PRKCB: variants seen among roughly 807,000 people sequenced by gnomAD.
PRKCB encodes protein kinase C beta type.
Under a neutral mutation model 81.5 loss-of-function variants are expected in PRKCB, and 13 were observed. The observed-to-expected ratio is 0.16, with a 90% CI of 0.10 to 0.25. PRKCB has a LOEUF of 0.25. PRKCB is among the 10% of genes least tolerant of loss of function. The pLI, the probability that PRKCB is intolerant of heterozygous loss-of-function variation, is 1.00. For synonymous variants in PRKCB, 335 were observed against 321.4 expected (o/e 1.04, Z -0.45); for missense variants, 509 against 875.7 (o/e 0.58, Z 5.29).
intron 16 of PRKCB, among the ~76,000 whole-genome samples, chr16:24,203,954 G>T (rs1968003960): frequency 6.6e-6 from 1 of 152,036 alleles, no homozygotes; most frequent in Non-Finnish European, 1.5e-5. Context: ...AAGTGGGAAG[G>T]TTTCTGTTCT....
chr16:23,916,673 G>A (rs1005795403), intron 2 of PRKCB, among the ~76,000 whole-genome samples: 3 of 152,042 alleles, frequency 2.0e-5, no homozygotes, highest in South Asian at 2.1e-4. Flanking sequence ...CCTCAAACAC[G>A]TACATTCAAA....
intron 7 of PRKCB, among the ~76,000 whole-genome samples, chr16:24,109,087 A>G (rs866094407): frequency 6.6e-4 from 89 of 133,886 alleles, no homozygotes; most frequent in South Asian, 1.5e-3. Context: ...GGGGCTCCTC[A>G]CTTCCCAGTA....
chr16:24,153,239 T>C (rs1967105406), intron 9 of PRKCB, among the ~76,000 whole-genome samples: 1 of 152,186 alleles, frequency 6.6e-6, no homozygotes, highest in Admixed American at 6.5e-5. Context: ...GCATCTAATT[T>C]CCTCAATCAC....
chr16:24,132,734 A>G (rs1001496388), intron 9 of PRKCB, among the ~76,000 whole-genome samples: 2 of 151,564 alleles, frequency 1.3e-5, no homozygotes, highest in Admixed American at 1.3e-4. Context: ...ATGGCATTAA[A>G]CAGATCAGCT....
At chr16:23,973,330 C>T (rs1028838478) in intron 2 of PRKCB, among the ~76,000 whole-genome samples, 5 of 152,064 alleles carry the variant, frequency 3.3e-5, no homozygotes, top group African/African-American at 4.8e-5. Context: ...TACAAGCACC[C>T]GCCACCACGC....
At chr16:23,882,108 T>C (rs1183048000) in intron 2 of PRKCB, among the ~76,000 whole-genome samples, 2 of 147,972 alleles carry the variant, frequency 1.4e-5, no homozygotes, top group Admixed American at 6.8e-5. Context: ...AGGGTCTCCC[T>C]GTTTCTCGCA....
chr16:24,049,590 A>G (rs1445204458), intron 5 of PRKCB, among the ~76,000 whole-genome samples: 1 of 152,158 alleles, frequency 6.6e-6, no homozygotes, highest in African/African-American at 2.4e-5. Context: ...CTCTAGCATC[A>G]TCCGGGACCT....
At chr16:24,045,509 C>A (rs542270790) in intron 5 of PRKCB, among the ~76,000 whole-genome samples, 1 of 152,298 alleles carries the variant, frequency 6.6e-6, no homozygotes, top group Non-Finnish European at 1.5e-5. Context: ...TGCCCCCTGC[C>A]CTCCCAGGCC....
rs1318602454 is a variant in PRKCB, at chr16:23,941,379, A to G, written c.206-47129A>G. ...TAAAACATTTCTCTAGACCATAGGG[A>G]AAAAGGACACTGTCTCACTTCTCTC... On this transcript the variant is annotated intron_variant, in intron 2 of 16. Coordinates refer to ENST00000643927, the MANE Select transcript of PRKCB (RefSeq NM_002738.7). Among the ~76,000 whole-genome samples, 3 of 152,222 alleles carry G rather than the reference A, an allele frequency of 2.0e-5. No homozygotes were observed. The East Asian group carries it at 5.8e-4, about 29-fold the overall frequency.
At chr16:24,203,021 G>A (rs919472929) in intron 16 of PRKCB, 1 of 152,080 alleles carries the variant, frequency 6.6e-6, no homozygotes, top group African/African-American at 2.4e-5. Flanking sequence ...CCAGGAGTTT[G>A]AGACCAGCTT....
At chr16:23,877,231 G>T (rs1380076360) in intron 2 of PRKCB, among the ~76,000 whole-genome samples, 2 of 152,088 alleles carry the variant, frequency 1.3e-5, no homozygotes, top group Non-Finnish European at 2.9e-5. Flanking sequence ...CCAGCTATGT[G>T]GAGGCTGAGG....
intron 9 of PRKCB, among the ~76,000 whole-genome samples, chr16:24,148,357 G>A (rs1039245892): frequency 2.0e-5 from 3 of 152,134 alleles, no homozygotes; most frequent in Admixed American, 6.5e-5. Context: ...TATGATTGAT[G>A]TTAGGTAGTT....
At chr16:23,941,751 A>G (rs187508568) in intron 2 of PRKCB, among the ~76,000 whole-genome samples, 3 of 152,358 alleles carry the variant, frequency 2.0e-5, no homozygotes, top group African/African-American at 7.2e-5. Flanking sequence ...CTTTTTCAGC[A>G]TGATGAAGAC....
At chr16:23,880,219 A>G (rs374683847) in intron 2 of PRKCB, among the ~76,000 whole-genome samples, 8 of 152,294 alleles carry the variant, frequency 5.3e-5, no homozygotes, top group African/African-American at 1.9e-4. Context: ...GTGCTCACAC[A>G]GATGACAGCT....
At chr16:23,987,426 C>T (rs1212434234) in intron 2 of PRKCB, among the ~76,000 whole-genome samples, 1 of 151,542 alleles carries the variant, frequency 6.6e-6, no homozygotes, top group Admixed American at 6.6e-5. Flanking sequence ...TTGCTGATCG[C>T]ATCCCTGTGG....
chr16:23,855,428 CA>C (rs1464570041), intron 2 of PRKCB, among the ~76,000 whole-genome samples: 1 of 152,036 alleles, frequency 6.6e-6, no homozygotes, highest in African/African-American at 2.4e-5. Context: ...GACAGGCAAA[CA>C]ACAACAAAAA....
chr16:24,105,290 C>T (rs1195181524), intron 7 of PRKCB, among the ~76,000 whole-genome samples: 1 of 152,128 alleles, frequency 6.6e-6, no homozygotes, highest in Non-Finnish European at 1.5e-5. Flanking sequence ...CTCCTGACCT[C>T]ATGATCTGCC....
intron 2 of PRKCB, among the ~76,000 whole-genome samples, chr16:23,962,289 C>A (rs985156444): frequency 1.3e-5 from 2 of 152,136 alleles, no homozygotes; most frequent in Admixed American, 6.5e-5. Context: ...CGCTCCCTAA[C>A]GTCCCTGTCT....
At chr16:24,023,531 G>A (rs1254550349) in intron 3 of PRKCB, among the ~76,000 whole-genome samples, 1 of 152,086 alleles carries the variant, frequency 6.6e-6, no homozygotes, top group East Asian at 1.9e-4. Context: ...ACCACGCCCG[G>A]CTAATTTTTT....
Sources: gnomAD v4.1 joint callset for allele counts (sites outside exome capture counted in the v4.1 genomes callset) on GRCh38, gnomAD v4.1.1 for gene constraint, MANE v1.5 for transcripts, NCBI Gene and HGNC (gene_info 2026-07-23, HGNC 2026-07-21) for gene names.